Variants in CACNB3 observed in about 807,000 individuals in gnomAD.
CACNB3 encodes voltage-dependent L-type calcium channel subunit beta-3.
A neutral mutation model predicts 63.7 loss-of-function variants in CACNB3; 36 were observed. The observed-to-expected ratio is 0.57, with a 90% CI of 0.43 to 0.75. The LOEUF (loss-of-function observed/expected upper bound fraction) is 0.75. Among genes scored for constraint, CACNB3 ranks in the 30% least tolerant of loss-of-function variants. CACNB3 has a pLI of 0.00. For missense variants in CACNB3, 493 were observed against 648.6 expected (o/e 0.76, Z 2.61); for synonymous variants, 241 against 250.6 (o/e 0.96, Z 0.36).
upstream of CACNB3, among the ~76,000 whole-genome samples, chr12:48,816,115 A>G (rs1244667532): frequency 6.6e-6 from 1 of 152,160 alleles, no homozygotes; most frequent in Non-Finnish European, 1.5e-5. Flanking sequence ...GGAGTCTTTA[A>G]GTCTTCCCAG....
Position 48,826,387 on chromosome 12 carries a change from G to T in CACNB3, c.763G>T (p.Glu255Ter). The T allele has an allele frequency of 6.2e-7, 1 of 1,614,116 alleles. No homozygotes were observed. The highest frequency in any genetic ancestry group is 8.5e-7 in the Non-Finnish European group (1 of 1,180,030). The change falls in exon 10 of 13, where the codon GAG becomes TAG. Residue 255 changes from glutamate to a stop codon, truncating the protein, a stop_gained. Coordinates refer to ENST00000301050, the MANE Select transcript of CACNB3 (RefSeq NM_000725.4). LOFTEE classifies it high-confidence loss of function. This position sits in a 1 kb window ranked among gnomAD's most constrained non-coding sequence, Gnocchi z 4.8. ...CATAGCGGAAGTGCAGAGTGAGATC[G>T]AGCGCATATTTGAGCTGGCCAAATC... ...SSIAEVQSEI[E>*]RIFELAKSLQ... is the part of the protein sequence containing the mutation.
chr12:48,823,565 A>T lies in CACNB3; in HGVS notation c.168+99A>T. On this transcript the variant is annotated intron_variant, in intron 2 of 12. Coordinates refer to ENST00000301050, the MANE Select transcript of CACNB3 (RefSeq NM_000725.4). This position sits in a 1 kb window ranked among gnomAD's most constrained non-coding sequence, Gnocchi z 4.2. ...GGGGTCCTTGGGCAGGATGTCCTTG[A>T]GTGTGAGAGGGTGTGTGTGATGGGC... 1 of 1,596,120 alleles carries T rather than the reference A, an allele frequency of 6.3e-7. No individual in the cohort carries two copies. The highest frequency in any genetic ancestry group is 8.5e-7 in the Non-Finnish European group (1 of 1,170,268).
At chr12:48,827,342 G>A (rs572254223) in intron 12 of CACNB3, among the ~76,000 whole-genome samples, 1 of 152,298 alleles carries the variant, frequency 6.6e-6, no homozygotes, top group African/African-American at 2.4e-5. Flanking sequence ...GTTTCCTAGG[G>A]GTCAAGAGAA....
chr12:48,825,378 T>C lies in CACNB3; in HGVS notation c.574-56T>C. 2 of 1,601,432 alleles carry C rather than the reference T, an allele frequency of 1.2e-6. No homozygotes were observed. Among genetic ancestry groups the C allele is most frequent in the Middle Eastern group, 1.7e-4 (1 of 6,038 alleles). On this transcript the variant is annotated intron_variant, in intron 7 of 12. Coordinates refer to ENST00000301050, the MANE Select transcript of CACNB3 (RefSeq NM_000725.4). This position sits in a 1 kb window ranked among gnomAD's most constrained non-coding sequence, Gnocchi z 4.5. ...AGCGCATTGACTCTGGGGCCATGCA[T>C]GGGGAGGCTGCTTCTCTCCAAAGGG...
chr12:48,826,332 C>T lies in CACNB3; in HGVS notation c.743-35C>T, dbSNP rs750314856. 6.2e-7 allele frequency: 1 copy of T among 1,612,418 alleles called. No homozygotes were observed. The highest frequency in any genetic ancestry group is 8.5e-7 in the Non-Finnish European group (1 of 1,178,740). On this transcript the variant is annotated intron_variant, in intron 9 of 12. Coordinates refer to ENST00000301050, the MANE Select transcript of CACNB3 (RefSeq NM_000725.4). The surrounding 1 kb of genome is among the most constrained non-coding windows in gnomAD (Gnocchi z 4.8). ...CTGCTGGAGTGAGCAGTGGGCAGAG[C>T]TCCTGGTGAGCACTGCTGCTGCCTC...
At chr12:48,821,939 C>T (rs989943110) in intron 1 of CACNB3, among the ~76,000 whole-genome samples, 1 of 152,144 alleles carries the variant, frequency 6.6e-6, no homozygotes, top group Admixed American at 6.6e-5. Flanking sequence ...CTGGGCTGAC[C>T]CCTAGCTGAA....
In CACNB3 at chr12:48,827,944, TGGGGGG is replaced by T. The variant is rs1565672073; in HGVS notation, c.*46_*51del. On this transcript the variant is annotated 3_prime_UTR_variant, in exon 13 of 13. Coordinates refer to ENST00000301050, the MANE Select transcript of CACNB3 (RefSeq NM_000725.4). ...CCTGGCAGGCACAGGCGCAGCTGGC[TGGGGGG>T]CCCACTCCAGGCAGGGTGGCGTTAG... The T allele has an allele frequency of 6.5e-7, 1 of 1,536,786 alleles. No homozygotes were observed. Among genetic ancestry groups the T allele is most frequent in the East Asian group, 2.3e-5 (1 of 42,896 alleles).
chr12:48,827,546 T>TCTGTACTGCCTCACTGAGAG, intron 12 of CACNB3, 39 bp from the exon 13 acceptor site: 2 of 1,574,846 alleles, frequency 1.3e-6, no homozygotes, highest in Non-Finnish European at 1.7e-6. Flanking sequence ...CAAGGTGAGG[T>TCTGTACTGCCTCACTGAGAG]CTGTACTGCC....
chr12:48,815,800 G>C, upstream of CACNB3: 1 of 1,017,292 alleles, frequency 9.8e-7, no homozygotes, highest in Non-Finnish European at 1.5e-6. Flanking sequence ...TCCGCTCCAA[G>C]CTAGGAAGGG....
rs11168751 is a variant in CACNB3, at chr12:48,825,355, C to T, written c.574-79C>T. The T allele has an allele frequency of 1.5e-5, 24 of 1,562,344 alleles. No individual in the cohort carries two copies. Among genetic ancestry groups the T allele is most frequent in the South Asian group, 6.7e-5 (6 of 89,896 alleles). ...CTCCGTCCAGGGTGTGTATGTGGAG[C>T]GCATTGACTCTGGGGCCATGCATGG... On this transcript the variant is annotated intron_variant, in intron 7 of 12. Coordinates refer to ENST00000301050, the MANE Select transcript of CACNB3 (RefSeq NM_000725.4). The surrounding 1 kb of genome is among the most constrained non-coding windows in gnomAD (Gnocchi z 4.5).
At position 48,824,969 on chromosome 12, in the gene CACNB3, G is replaced by A; in HGVS notation, c.492+1G>A. On this transcript the variant is annotated splice_donor_variant, in intron 6 of 12. Coordinates refer to ENST00000301050, the MANE Select transcript of CACNB3 (RefSeq NM_000725.4). LOFTEE classifies it high-confidence loss of function. ...AAAAGCCAAGCAGAAGCAAAAGCAG[G>A]TGAGTCAAGGAAGGGACCTGGGCTG... 2 of 1,613,466 alleles carry A rather than the reference G, an allele frequency of 1.2e-6. No homozygotes were observed. The highest frequency in any genetic ancestry group is 8.5e-7 in the Non-Finnish European group (1 of 1,179,916).
intron 1 of CACNB3, chr12:48,820,902 A>T (rs911729094): frequency 1.3e-5 from 2 of 152,212 alleles, no homozygotes; most frequent in African/African-American, 4.8e-5. Flanking sequence ...TGATTACTAA[A>T]TTAGGCCGCC....
At position 48,818,954 on chromosome 12, in the gene CACNB3, G is replaced by A. The variant is rs1035878668; in HGVS notation, c.25G>A (p.Gly9Arg). Residue 9 changes from glycine to arginine, a missense_variant, in exon 1 of 13, where the codon GGG becomes AGG. Transcript: ENST00000301050. The surrounding 1 kb of genome is among the most constrained non-coding windows in gnomAD (Gnocchi z 4.3). MYDDSYVP[G>R]FEDSEAGSAD... ...CATGTATGACGACTCCTACGTGCCCGGGTTTGAGGACTCGGAGGCGGTGAG... is the reference window on the plus strand; with the variant it reads ...CATGTATGACGACTCCTACGTGCCCAGGTTTGAGGACTCGGAGGCGGTGAG... The A allele has an allele frequency of 4.4e-6, 7 of 1,604,676 alleles. No homozygotes were observed. The African/African-American group carries it at 5.4e-5, about 12-fold the overall frequency.
At chr12:48,827,298 GAATC>G (rs1938196438) in intron 12 of CACNB3, among the ~76,000 whole-genome samples, 175 bp downstream of exon 12, 1 of 152,222 alleles carries the variant, frequency 6.6e-6, no homozygotes. Flanking sequence ...AGGAGAGAGG[GAATC>G]AATCAATGAG....
At position 48,821,749 on chromosome 12, in the gene CACNB3, A is replaced by G. The variant is rs995622302; in HGVS notation, c.46-1595A>G. On this transcript the variant is annotated intron_variant, in intron 1 of 12. Transcript: ENST00000301050. The stretch of plus-strand genomic sequence containing the variant: ...AGGAGGTCCCTCACCCTGTGCAAAG[A>G]TTATTTCTGGGGTTCATCCCCCACT... Among the ~76,000 whole-genome samples the G allele has an allele frequency of 2.6e-5, 4 of 152,202 alleles. No individual in the cohort carries two copies. In the East Asian group the frequency reaches 7.7e-4, roughly 29 times the overall value.
chr12:48,816,735 C>T (rs1008832434), upstream of CACNB3: 1 of 478,282 alleles, frequency 2.1e-6, no homozygotes. Context: ...GGAAGGAGTG[C>T]TGCCGATGGC....
At position 48,823,219 on chromosome 12, in the gene CACNB3, C is replaced by T; in HGVS notation, c.46-125C>T. On this transcript the variant is annotated intron_variant, in intron 1 of 12. Coordinates refer to ENST00000301050, the MANE Select transcript of CACNB3 (RefSeq NM_000725.4). The surrounding 1 kb of genome is among the most constrained non-coding windows in gnomAD (Gnocchi z 4.2). Reference sequence around the variant, plus strand: ...CAGGGGATAGGAGGGGCCATAGGGACCCAGCTATCCCCTTGGAGATGGAGA... The same window carrying T: ...CAGGGGATAGGAGGGGCCATAGGGATCCAGCTATCCCCTTGGAGATGGAGA... 1 of 1,262,876 alleles carries T rather than the reference C, an allele frequency of 7.9e-7. No individual in the cohort carries two copies. The highest frequency in any genetic ancestry group is 1.1e-6 in the Non-Finnish European group (1 of 909,664). 78.2% of individuals were successfully genotyped at this position (1,262,876 alleles called of 1,614,324 possible).
rs760873031 is a variant in CACNB3, at chr12:48,826,926, G to A, written c.991-48G>A. On this transcript the variant is annotated intron_variant, in intron 11 of 12. Transcript: ENST00000301050. This position sits in a 1 kb window ranked among gnomAD's most constrained non-coding sequence, Gnocchi z 4.8. ...CGGCAGTGATAGAGATGGGTGGGGG[G>A]CTGCTACTGAGGGGAAACCAACGTT... 3 of 1,613,286 alleles carry A rather than the reference G, an allele frequency of 1.9e-6. No individual in the cohort carries two copies. The highest frequency in any genetic ancestry group is 2.2e-5 in the East Asian group (1 of 44,878).
At chr12:48,820,430 T>A (rs536623234) in intron 1 of CACNB3, 13 of 152,462 alleles carry the variant, frequency 8.5e-5, no homozygotes, top group African/African-American at 2.9e-4. Flanking sequence ...CTGATCACCC[T>A]CCCCCACTTC....
Sources: allele counts gnomAD v4.1 joint callset (sites outside exome capture counted in the v4.1 genomes callset), GRCh38; gene constraint gnomAD v4.1.1; non-coding constraint Gnocchi (gnomAD v3.1); transcripts MANE v1.5; gene names NCBI Gene and HGNC (gene_info 2026-07-23, HGNC 2026-07-21).